Variants in NQO2 observed in about 807,000 individuals in gnomAD.
The protein encoded by NQO2 is ribosyldihydronicotinamide dehydrogenase [quinone].
NQO2 carries 18 observed loss-of-function variants against 22.0 expected under a neutral mutation model. The ratio of observed to expected loss-of-function variants is 0.82; its 90% confidence interval spans 0.56 to 1.21. The LOEUF (loss-of-function observed/expected upper bound fraction) is 1.21, where lower values mean the gene tolerates loss of function less well. Among genes scored for constraint, NQO2 ranks in the 50% most tolerant of loss-of-function variants. The probability of loss-of-function intolerance (pLI) is 0.00; values close to 1 mark genes in which losing one functional copy is unlikely to be tolerated. For synonymous variants in NQO2, 106 were observed against 110.8 expected (o/e 0.96, Z 0.28); for missense variants, 267 against 286.9 (o/e 0.93, Z 0.50).
chr6:3,019,438 T>G, intron 6 of NQO2, 41 bp from the exon 7 acceptor site: 1 of 1,579,826 alleles, frequency 6.3e-7, no homozygotes, highest in Non-Finnish European at 8.6e-7. Context: ...ATGTAACAGG[T>G]GTAGTTTCTA....
In NQO2 at chr6:3,010,110, C is replaced by T. The variant is rs140179949; in HGVS notation, c.93C>T (p.Ser31=). 1.1e-4 allele frequency: 176 copies of T among 1,613,984 alleles called. No individual in the cohort carries two copies. The African/African-American group carries it at 2.1e-3, about 19-fold the overall frequency. Residue 31 remains serine (S), a synonymous_variant, in exon 3 of 7, where the codon AGC becomes AGT. Coordinates refer to ENST00000380455, the MANE Select transcript of NQO2 (RefSeq NM_000904.6). ...SLKNVAVDEL[S]RQGCTVTVSD... ...AGAATGTGGCTGTAGATGAACTGAG[C>T]AGGCAGGGCTGCACCGTCACAGTGT...
intron 6 of NQO2, 85 bp downstream of exon 6, chr6:3,017,070 G>GCATACACACACACA: frequency 7.5e-7 from 1 of 1,331,652 alleles, no homozygotes. Context: ...ACACACACAC[G>GCATACACACACACA]CACACACATA....
At chr6:3,015,207 G>C in intron 4 of NQO2, 1 of 1,359,646 alleles carries the variant, frequency 7.4e-7, no homozygotes, top group Non-Finnish European at 9.7e-7. Flanking sequence ...CTTTTGACTG[G>C]CTTGATCACA....
chr6:3,004,341 G>A, intron 1 of NQO2: 12 of 985,526 alleles, frequency 1.2e-5, no homozygotes, highest in Non-Finnish European at 1.4e-5. Context: ...TCAAGCGAAT[G>A]GGGAAGGATT....
At chr6:3,001,271 A>G (rs1478523632) in intron 1 of NQO2, among the ~76,000 whole-genome samples, 1 of 151,818 alleles carries the variant, frequency 6.6e-6, no homozygotes, top group Non-Finnish European at 1.5e-5. Flanking sequence ...TGGTATTTTT[A>G]GTAGAAATGG....
At chr6:3,007,752 A>G (rs1217171584) in intron 2 of NQO2, among the ~76,000 whole-genome samples, 2 of 152,196 alleles carry the variant, frequency 1.3e-5, no homozygotes, top group Admixed American at 6.5e-5. Flanking sequence ...CCACTGAAAG[A>G]TGGGCTCCAT....
At position 3,006,410 on chromosome 6, in the gene NQO2, TAC is replaced by T; in HGVS notation, c.-85-56_-85-55del. ...AAGCAGCAGTGATGCCTAGATGTGG[TAC>T]ATTCGACCTCACCTATGCCTCTCCC... On this transcript the variant is annotated intron_variant, in intron 1 of 6. Coordinates refer to ENST00000380455, the MANE Select transcript of NQO2 (RefSeq NM_000904.6). This position sits in a 1 kb window ranked among gnomAD's most constrained non-coding sequence, Gnocchi z 4.0. 1 of 1,495,246 alleles carries T rather than the reference TAC, an allele frequency of 6.7e-7. No individual in the cohort carries two copies. Among genetic ancestry groups the T allele is most frequent in the Non-Finnish European group, 8.9e-7 (1 of 1,125,308 alleles). The allele number at this position is 1,495,246 out of a possible 1,614,324, so 92.6% of individuals were successfully genotyped here.
chr6:3,015,569 G>A lies in NQO2; in HGVS notation c.343G>A (p.Gly115Ser). Reference protein sequence around the residue: ...YWFSVPAILKGWMDRVLCQGF... With the variant: ...YWFSVPAILKSWMDRVLCQGF... ...GTTCAGCGTGCCAGCCATCCTGAAG[G>A]GCTGGATGGATAGGGTGCTGTGCCA... The change falls in exon 5 of 7, where the codon GGC (glycine) becomes AGC (serine). Residue 115 changes from glycine to serine, a missense_variant. Coordinates refer to ENST00000380455, the MANE Select transcript of NQO2 (RefSeq NM_000904.6). 2 of 1,614,164 alleles carry A rather than the reference G, an allele frequency of 1.2e-6. No homozygotes were observed. The highest frequency in any genetic ancestry group is 1.1e-5 in the South Asian group (1 of 91,088).
Position 3,002,503 on chromosome 6 carries a change from T to C in NQO2, c.-86+2418T>C, listed in dbSNP as rs183368197. Among the ~76,000 whole-genome samples, 92 of 152,190 alleles carry C rather than the reference T, an allele frequency of 6.0e-4. 1 individual carries two copies. Among genetic ancestry groups the C allele is most frequent in the Middle Eastern group, 3.4e-3 (1 of 294 alleles). ...TTTGTATTTTTTAGTAGAGATGGTG[T>C]TTTGCCACATTGACCAGGCTGGTTT... is the stretch of plus-strand genomic sequence containing the variant. On this transcript the variant is annotated intron_variant, in intron 1 of 6. Coordinates refer to ENST00000380455, the MANE Select transcript of NQO2 (RefSeq NM_000904.6).
chr6:3,015,504 T>A (rs1014182606), intron 4 of NQO2, 26 bp from the exon 5 acceptor site: 3 of 1,607,122 alleles, frequency 1.9e-6, no homozygotes, highest in Non-Finnish European at 2.5e-6. Context: ...GCAGCCTCAG[T>A]TTCTCTTTGG....
intron 6 of NQO2, 112 bp downstream of exon 6, chr6:3,017,097 C>CCTCGGGGAGCT: frequency 7.9e-7 from 1 of 1,269,166 alleles, no homozygotes; most frequent in Non-Finnish European, 1.1e-6. Context: ...CTCAGCTCCC[C>CCTCGGGGAGCT]GAGGGGTGAG....
rs1757297725 is a variant in NQO2 at position 3,015,586 on chromosome 6, G to C, written c.360G>C (p.Val120=). ...TCCTGAAGGGCTGGATGGATAGGGT[G>C]CTGTGCCAGGGCTTTGCCTTTGACA... The part of the protein sequence containing the change: ...PAILKGWMDR[V]LCQGFAFDIP... The change falls in exon 5 of 7, where the codon GTG becomes GTC. Residue 120 remains valine (V), a synonymous_variant. Coordinates refer to ENST00000380455, the MANE Select transcript of NQO2 (RefSeq NM_000904.6). The C allele has an allele frequency of 6.2e-7, 1 of 1,614,070 alleles. No individual in the cohort carries two copies. The highest frequency in any genetic ancestry group is 1.1e-5 in the South Asian group (1 of 91,092).
chr6:3,015,666 C>T, intron 5 of NQO2, 23 bp downstream of exon 5: 1 of 1,607,976 alleles, frequency 6.2e-7, no homozygotes, highest in Non-Finnish European at 8.5e-7. Flanking sequence ...GGATAAGGAT[C>T]ACTATGGATA....
intron 6 of NQO2, among the ~76,000 whole-genome samples, chr6:3,017,409 G>A (rs972835992): frequency 2.0e-5 from 3 of 152,284 alleles, no homozygotes; most frequent in Admixed American, 6.5e-5. Flanking sequence ...CTTGGACCCT[G>A]GCAAGTGGCA....
Position 3,006,737 on chromosome 6 carries a change from T to A in NQO2, c.7+178T>A. The A allele has an allele frequency of 1.7e-6, 1 of 588,358 alleles. No individual in the cohort carries two copies. Among genetic ancestry groups the A allele is most frequent in the Non-Finnish European group, 2.9e-6 (1 of 341,974 alleles). 36.4% of individuals were successfully genotyped at this position (588,358 alleles called of 1,614,324 possible). Reference sequence around the variant, plus strand: ...ATTGTTGTAAAAAATCCAAGCCACGTGGAAGTGTATAAACTATCTGGAATT... The same window carrying A: ...ATTGTTGTAAAAAATCCAAGCCACGAGGAAGTGTATAAACTATCTGGAATT... On this transcript the variant is annotated intron_variant, in intron 2 of 6. Transcript: ENST00000380455. The surrounding 1 kb of genome is among the most constrained non-coding windows in gnomAD (Gnocchi z 4.0).
intron 3 of NQO2, 71 bp downstream of exon 3, chr6:3,010,260 TC>T: frequency 7.4e-7 from 1 of 1,344,280 alleles, no homozygotes; most frequent in South Asian, 1.6e-5. Context: ...AATGTTGACT[TC>T]CAGCTGCAAA....
intron 5 of NQO2, 109 bp downstream of exon 5, chr6:3,015,752 C>A: frequency 9.8e-7 from 1 of 1,018,678 alleles, no homozygotes; most frequent in Non-Finnish European, 1.5e-6. Flanking sequence ...TAGCAAATAT[C>A]GATTGAGCAC....
intron 3 of NQO2, among the ~76,000 whole-genome samples, chr6:3,012,218 T>G (rs1005942019): frequency 6.6e-6 from 1 of 152,216 alleles, no homozygotes; most frequent in Non-Finnish European, 1.5e-5. Context: ...TTTAGACCTG[T>G]TTGGCATTGA....
chr6:3,017,076 A>G (rs1885297), intron 6 of NQO2, 91 bp downstream of exon 6: 307,470 of 1,440,598 alleles, frequency 0.21, 34,818 homozygotes, highest in African/African-American at 0.29. Flanking sequence ...ACACGCACAC[A>G]CATACATGCC....
Sources: gnomAD v4.1 joint callset for allele counts (sites outside exome capture counted in the v4.1 genomes callset) on GRCh38, gnomAD v4.1.1 for gene constraint, Gnocchi (gnomAD v3.1) non-coding constraint, MANE v1.5 for transcripts, NCBI Gene and HGNC (gene_info 2026-07-23, HGNC 2026-07-21) for gene names.